C4orf51: variants seen among roughly 807,000 people sequenced by gnomAD.
The protein encoded by C4orf51 is uncharacterized protein C4orf51.
C4orf51 carries 25 observed loss-of-function variants against 25.2 expected under a neutral mutation model. That is an observed-to-expected ratio of 0.99 (90% CI 0.72 to 1.39). The LOEUF (loss-of-function observed/expected upper bound fraction) is 1.39, where lower values mean the gene tolerates loss of function less well. Ranked by LOEUF, C4orf51 falls within the 40% of genes most tolerant of loss-of-function variation. The pLI is 0.00. For missense variants in C4orf51, 252 were observed against 239.6 expected, an observed-to-expected ratio of 1.05 and a Z score of -0.34; for synonymous variants, 100 against 84.5, an observed-to-expected ratio of 1.18 and a Z score of -1.01.
intron 2 of C4orf51, among the ~76,000 whole-genome samples, chr4:145,710,223 A>C (rs1240196414): frequency 6.6e-6 from 1 of 152,230 alleles, no homozygotes; most frequent in African/African-American, 2.4e-5. Flanking sequence ...CAGGGGTTTA[A>C]GGCAGAAGGA....
chr4:145,790,640 A>AGGG, the C4orf51 span, among the ~76,000 whole-genome samples: 1 of 152,122 alleles, frequency 6.6e-6, no homozygotes, highest in Admixed American at 6.6e-5. Flanking sequence ...TGGTATCCTC[A>AGGG]ATTATTCTAG....
chr4:145,713,024 G>T (rs1194011162), intron 2 of C4orf51, among the ~76,000 whole-genome samples: 1 of 152,192 alleles, frequency 6.6e-6, no homozygotes, highest in African/African-American at 2.4e-5. Context: ...TTTATGGCAT[G>T]ACTTCCTGAA....
chr4:145,724,323 G>A (rs1731918786), intron 2 of C4orf51, among the ~76,000 whole-genome samples: 1 of 151,950 alleles, frequency 6.6e-6, no homozygotes, highest in South Asian at 2.1e-4. Flanking sequence ...CTTTTACTGT[G>A]GCTATGAAAA....
intron 1 of C4orf51, among the ~76,000 whole-genome samples, chr4:145,749,364 G>T (rs932355455): frequency 1.3e-5 from 2 of 151,924 alleles, no homozygotes; most frequent in African/African-American, 4.8e-5. Flanking sequence ...CTATTCAGCT[G>T]CTCTATGTCT....
the C4orf51 span, among the ~76,000 whole-genome samples, chr4:145,785,629 C>T: frequency 5.3e-5 from 8 of 152,218 alleles, no homozygotes; most frequent in East Asian, 1.4e-3. Context: ...GGAACCTGAA[C>T]GATCATCTTG....
chr4:145,738,275 C>T (rs1403557920), intron 1 of C4orf51, among the ~76,000 whole-genome samples: 1 of 151,972 alleles, frequency 6.6e-6, no homozygotes, highest in Non-Finnish European at 1.5e-5. Context: ...TATGGTGAAA[C>T]CCCGTCTCTA....
At position 145,688,084 on chromosome 4, in the gene C4orf51, C is replaced by G. The variant is rs139212378; in HGVS notation, c.233+7648C>G. Reference sequence around the variant, plus strand: ...CAGGTGGTGGTATATGCCTGTGGTTCCAGCTACTCGGGAGGCTGAGGTGGG... The same window carrying G: ...CAGGTGGTGGTATATGCCTGTGGTTGCAGCTACTCGGGAGGCTGAGGTGGG... On this transcript the variant is annotated intron_variant, in intron 1 of 5. Coordinates refer to ENST00000438731, the MANE Select transcript of C4orf51 (RefSeq NM_001080531.3). 5.1e-3 allele frequency among the ~76,000 whole-genome samples: 777 copies of G among 151,550 alleles called. 3 individuals carry two copies. Among genetic ancestry groups the G allele is most frequent in the African/African-American group, 0.017 (713 of 41,308 alleles).
chr4:145,770,237 T>C (rs1392067222), intron 1 of C4orf51, among the ~76,000 whole-genome samples: 1 of 151,934 alleles, frequency 6.6e-6, no homozygotes, highest in Non-Finnish European at 1.5e-5. Flanking sequence ...AGGTGGAGGT[T>C]GCAGTGAGCC....
chr4:145,693,959 C>G (rs1296521314), intron 1 of C4orf51, among the ~76,000 whole-genome samples: 3 of 135,780 alleles, frequency 2.2e-5, no homozygotes, highest in African/African-American at 8.4e-5. Context: ...GGGTGGCTGC[C>G]GGGCGGAGAG....
intron 1 of C4orf51, among the ~76,000 whole-genome samples, chr4:145,682,856 G>A (rs534813671): frequency 6.6e-6 from 1 of 152,216 alleles, no homozygotes; most frequent in East Asian, 1.9e-4. Flanking sequence ...AGACAGGAAC[G>A]TGGCTCAAGT....
At chr4:145,753,573 A>T (rs746159892) in intron 1 of C4orf51, among the ~76,000 whole-genome samples, 4 of 152,166 alleles carry the variant, frequency 2.6e-5, no homozygotes, top group Non-Finnish European at 4.4e-5. Flanking sequence ...CCAGCCCCAT[A>T]TTCCTGGGGG....
At chr4:145,735,585 G>C (rs190605138), downstream of C4orf51, among the ~76,000 whole-genome samples, 4 of 152,256 alleles carry the variant, frequency 2.6e-5, no homozygotes, top group Non-Finnish European at 5.9e-5. Context: ...TCTGGTTTCT[G>C]CTTCTGGTTT....
At chr4:145,739,412 T>C (rs1732977397) in intron 1 of C4orf51, among the ~76,000 whole-genome samples, 1 of 152,202 alleles carries the variant, frequency 6.6e-6, no homozygotes, top group Non-Finnish European at 1.5e-5. Context: ...CCCATAGAAG[T>C]TAATGTGTGG....
intron 2 of C4orf51, among the ~76,000 whole-genome samples, chr4:145,707,400 T>G (rs1484584592): frequency 6.6e-6 from 1 of 152,242 alleles, no homozygotes; most frequent in Non-Finnish European, 1.5e-5. Context: ...GAGAAGGTTA[T>G]TTACATACTG....
rs60310006 is a variant in C4orf51 at position 145,740,240 on chromosome 4, C to CAAAAAAAAAAAAAAAAAAA, written n.167+7634_167+7652dup. Among the ~76,000 whole-genome samples, 65 of 104,794 alleles carry CAAAAAAAAAAAAAAAAAAA rather than the reference C, an allele frequency of 6.2e-4. 3 individuals are homozygous for CAAAAAAAAAAAAAAAAAAA. Among genetic ancestry groups the CAAAAAAAAAAAAAAAAAAA allele is most frequent in the African/African-American group, 1.5e-3 (36 of 24,428 alleles). 68.7% of individuals were successfully genotyped at this position (104,794 alleles called of 152,430 possible). ...AATTATAGCTATCTCTCCCTTTCTG[C>CAAAAAAAAAAAAAAAAAAA]AAAAAAAAAAAAAAAAAAAAAAAAA... On this transcript the variant is annotated intron_variant and non_coding_transcript_variant, in intron 1 of 1. Transcript: ENST00000508981.
chr4:145,789,394 T>G, the C4orf51 span, among the ~76,000 whole-genome samples: 240 of 152,340 alleles, frequency 1.6e-3, 1 homozygote, highest in African/African-American at 5.6e-3. Flanking sequence ...TTGTTAAAAG[T>G]ATATTAAGGA....
At chr4:145,706,174 A>G (rs542920998) in intron 2 of C4orf51, among the ~76,000 whole-genome samples, 2 of 152,362 alleles carry the variant, frequency 1.3e-5, no homozygotes, top group African/African-American at 4.8e-5. Flanking sequence ...CAGTTTTATT[A>G]AAGACAAATC....
downstream of C4orf51, among the ~76,000 whole-genome samples, chr4:145,733,369 G>A (rs1272497375): frequency 1.3e-5 from 2 of 152,212 alleles, no homozygotes; most frequent in Non-Finnish European, 2.9e-5. Flanking sequence ...GCGCGCGGGA[G>A]GGAGGGACCG....
chr4:145,716,215 G>A (rs964822209), intron 2 of C4orf51, among the ~76,000 whole-genome samples: 4 of 152,016 alleles, frequency 2.6e-5, no homozygotes, highest in African/African-American at 9.7e-5. Context: ...TGGCTGTTCT[G>A]CAGGTAGACC....
Sources: gnomAD v4.1 joint callset for allele counts (sites outside exome capture counted in the v4.1 genomes callset) on GRCh38, gnomAD v4.1.1 for gene constraint, MANE v1.5 for transcripts, NCBI Gene and HGNC (gene_info 2026-07-23, HGNC 2026-07-21) for gene names.